Variants in PFDN4 observed in about 807,000 individuals in gnomAD.
PFDN4 encodes prefoldin subunit 4.
Under a neutral mutation model 17.6 loss-of-function variants are expected in PFDN4, and 6 were observed. That is an observed-to-expected ratio of 0.34 (90% CI 0.19 to 0.67). The LOEUF is 0.67. Ranked by LOEUF, PFDN4 falls within the 30% of genes least tolerant of loss-of-function variation. PFDN4 has a pLI of 0.68. For missense variants in PFDN4, 119 were observed against 158.4 expected, an observed-to-expected ratio of 0.75 and a Z score of 1.33; for synonymous variants, 48 against 51.1, an observed-to-expected ratio of 0.94 and a Z score of 0.26.
At chr20:54,214,259 A>G (rs546383721) in intron 1 of PFDN4, 92 bp from the exon 2 acceptor site, 3 of 692,788 alleles carry the variant, frequency 4.3e-6, no homozygotes, top group East Asian at 2.8e-5. Context: ...ATATGAGTGC[A>G]AATGGCTTAT....
intron 2 of PFDN4, among the ~76,000 whole-genome samples, chr20:54,215,051 T>A (rs939394460): frequency 6.6e-6 from 1 of 152,184 alleles, no homozygotes. Flanking sequence ...TAGAAGAAAT[T>A]TTGAGTGACC....
intron 1 of PFDN4, among the ~76,000 whole-genome samples, chr20:54,214,126 T>A (rs1476784078): frequency 1.3e-5 from 2 of 152,214 alleles, no homozygotes. Context: ...TGCAATATGT[T>A]TATAGCTTAG....
Position 54,219,587 on chromosome 20 carries a change from C to T in PFDN4, c.*437C>T. On this transcript the variant is annotated 3_prime_UTR_variant, in exon 4 of 4. Coordinates refer to ENST00000371419, the MANE Select transcript of PFDN4 (RefSeq NM_002623.4). ...GCTTATTTCACAACTAAAGCTTTGTCATAGACTTCAAAATATATATGTATA... is the reference window on the plus strand; with the variant it reads ...GCTTATTTCACAACTAAAGCTTTGTTATAGACTTCAAAATATATATGTATA... 5.1e-6 allele frequency: 2 copies of T among 393,292 alleles called. No homozygotes were observed. The highest frequency in any genetic ancestry group is 8.9e-6 in the Non-Finnish European group (2 of 223,624). The allele number at this position is 393,292 out of a possible 1,614,324, so 24.4% of individuals were successfully genotyped here.
rs1247632697 is a variant in PFDN4 at position 54,219,651 on chromosome 20, A to G, written c.*501A>G. ...TATATGTTACATATTATATTTAAACATACATATTTAACATTTTTTACATAT... is the reference window on the plus strand; with the variant it reads ...TATATGTTACATATTATATTTAAACGTACATATTTAACATTTTTTACATAT... On this transcript the variant is annotated 3_prime_UTR_variant, in exon 4 of 4. Transcript: ENST00000371419. 1 of 397,242 alleles carries G rather than the reference A, an allele frequency of 2.5e-6. No homozygotes were observed. Among genetic ancestry groups the G allele is most frequent in the African/African-American group, 2.1e-5 (1 of 48,542 alleles). The allele number at this position is 397,242 out of a possible 1,614,324, so 24.6% of individuals were successfully genotyped here. A position where few individuals can be genotyped will look rare whatever the true frequency, so the allele number is the denominator to read the frequency against.
intron 3 of PFDN4, among the ~76,000 whole-genome samples, chr20:54,218,697 A>G (rs932549030): frequency 6.6e-6 from 1 of 152,252 alleles, no homozygotes; most frequent in African/African-American, 2.4e-5. Flanking sequence ...GTTAGAAGCC[A>G]GCAGGCCCAG....
At chr20:54,218,890 G>A in intron 3 of PFDN4, 129 bp from the exon 4 acceptor site, 1 of 580,202 alleles carries the variant, frequency 1.7e-6, no homozygotes. Context: ...CTAATTATCA[G>A]TGTTACTTAG....
chr20:54,210,047 A>C (rs987403916), intron 1 of PFDN4, among the ~76,000 whole-genome samples: 1 of 152,202 alleles, frequency 6.6e-6, no homozygotes, highest in Non-Finnish European at 1.5e-5. Flanking sequence ...GGAAAGTGCC[A>C]TTTAAGTTGA....
At chr20:54,216,660 A>G (rs994054106) in intron 3 of PFDN4, among the ~76,000 whole-genome samples, 2 of 151,518 alleles carry the variant, frequency 1.3e-5, no homozygotes, top group African/African-American at 4.8e-5. Context: ...TTATTTATTT[A>G]TTTATTTATT....
At position 54,219,116 on chromosome 20, in the gene PFDN4, G is replaced by A. The variant is rs2092766476; in HGVS notation, c.371G>A (p.Gly124Glu). The stretch of plus-strand genomic sequence containing the variant: ...AAAGTTCAGTTGTATGCAAAATTCG[G>A]GAGCAACATAAACCTTGAAGCTGAT... ...DLKVQLYAKF[G>E]SNINLEADES is the part of the protein sequence containing the mutation. The change falls in exon 4 of 4, where the codon GGG becomes GAG. Residue 124 changes from glycine (G) to glutamate (E), a missense_variant. Gly to Glu is a moderately conservative substitution (Grantham distance 98, BLOSUM62 -2). This residue lies in a region of PFDN4 where 81 missense variants were observed against 111.7 expected (regional missense o/e 0.73). Transcript: ENST00000371419. The A allele has an allele frequency of 6.3e-7, 1 of 1,586,220 alleles. No individual in the cohort carries two copies. Among genetic ancestry groups the A allele is most frequent in the Non-Finnish European group, 8.6e-7 (1 of 1,163,014 alleles).
chr20:54,213,482 CCT>C (rs1475851470), intron 1 of PFDN4, among the ~76,000 whole-genome samples: 1 of 152,116 alleles, frequency 6.6e-6, no homozygotes, highest in Non-Finnish European at 1.5e-5. Context: ...ACCTGTCTGA[CCT>C]CTGAAGCCAG....
chr20:54,215,180 G>A, intron 2 of PFDN4, 120 bp from the exon 3 acceptor site: 1 of 645,470 alleles, frequency 1.5e-6, no homozygotes, highest in South Asian at 2.5e-5. Context: ...TTATTCTAAT[G>A]TGGTAATAAT....
chr20:54,214,520 T>C, intron 2 of PFDN4, 62 bp downstream of exon 2: 1 of 710,960 alleles, frequency 1.4e-6, no homozygotes, highest in Non-Finnish European at 2.4e-6. Flanking sequence ...AAAACTGAAC[T>C]CAGTTAACAA....
Position 54,219,087 on chromosome 20 carries a change from T to G in PFDN4, c.342T>G (p.Asp114Glu). The G allele has an allele frequency of 6.3e-7, 1 of 1,595,632 alleles. No homozygotes were observed. Among genetic ancestry groups the G allele is most frequent in the Non-Finnish European group, 8.6e-7 (1 of 1,168,596 alleles). The change falls in exon 4 of 4, where the codon GAT becomes GAG. Residue 114 changes from aspartate to glutamate, a missense_variant. Physicochemically the swap from Asp to Glu is conservative, Grantham distance 45. Transcript: ENST00000371419. ...RVESIQRVLA[D>E]LKVQLYAKFG... ...AATCAATTCAGCGAGTGTTAGCAGA[T>G]TTGAAAGTTCAGTTGTATGCAAAAT...
chr20:54,209,164 A>G (rs2092752424), intron 1 of PFDN4, among the ~76,000 whole-genome samples: 1 of 152,140 alleles, frequency 6.6e-6, no homozygotes. Flanking sequence ...TACTGTTTTT[A>G]TCCTTATTTA....
chr20:54,210,326 G>A (rs2092754099), intron 1 of PFDN4, among the ~76,000 whole-genome samples: 1 of 152,164 alleles, frequency 6.6e-6, no homozygotes, highest in Admixed American at 6.5e-5. Flanking sequence ...TCCAGTGTTA[G>A]GAACAATTCC....
Position 54,208,118 on chromosome 20 carries a change from G to C in PFDN4, c.18G>C (p.Lys6Asn). Residue 6 changes from lysine (K) to asparagine (N), a missense_variant, in exon 1 of 4, where the codon AAG becomes AAC. By Grantham distance (94) the Lys-to-Asn change is moderately conservative. Coordinates refer to ENST00000371419, the MANE Select transcript of PFDN4 (RefSeq NM_002623.4). ...GTCCCAAGATGGCGGCCACCATGAA[G>C]AAGGCGGTGAGTGGGGAGCTCGGGG... Reference protein sequence around the residue: MAATMKKAAAEDVNVT... With the variant: MAATMNKAAAEDVNVT... 1 of 1,557,900 alleles carries C rather than the reference G, an allele frequency of 6.4e-7. No homozygotes were observed. The highest frequency in any genetic ancestry group is 8.7e-7 in the Non-Finnish European group (1 of 1,151,000).
At position 54,219,867 on chromosome 20, in the gene PFDN4, G is replaced by A; in HGVS notation, c.*717G>A. The A allele has an allele frequency of 2.5e-6, 1 of 395,690 alleles. No individual in the cohort carries two copies. The highest frequency in any genetic ancestry group is 4.5e-6 in the Non-Finnish European group (1 of 224,574). 24.5% of individuals were successfully genotyped at this position (395,690 alleles called of 1,614,324 possible). ...TTTTAGTGCTTTGTAATTAATTGGG[G>A]TTTATATTGATAAAGATGTGGAAGT... On this transcript the variant is annotated 3_prime_UTR_variant, in exon 4 of 4. Transcript: ENST00000371419.
Position 54,214,451 on chromosome 20 carries a change from T to A in PFDN4, c.125T>A (p.Val42Glu). ...ACAGAGCTGAAGGAAGAAATAGAAG[T>A]AAAAAAGGTATTGAAAATAATTATT... ...RITELKEEIE[V>E]KKKQLQNLED... is the part of the protein sequence containing the mutation. Residue 42 changes from valine (V) to glutamate (E), a missense_variant, in exon 2 of 4, where the codon GTA becomes GAA. Coordinates refer to ENST00000371419, the MANE Select transcript of PFDN4 (RefSeq NM_002623.4). The A allele has an allele frequency of 6.9e-7, 1 of 1,454,486 alleles. No individual in the cohort carries two copies. The highest frequency in any genetic ancestry group is 9.5e-7 in the Non-Finnish European group (1 of 1,055,216). The allele number at this position is 1,454,486 out of a possible 1,614,324, so 90.1% of individuals were successfully genotyped here. A position where few individuals can be genotyped will look rare whatever the true frequency, so the allele number is the denominator to read the frequency against.
intron 3 of PFDN4, among the ~76,000 whole-genome samples, chr20:54,218,348 A>T (rs919313642): frequency 2.0e-5 from 3 of 152,070 alleles, no homozygotes; most frequent in Non-Finnish European, 4.4e-5. Context: ...TTTTAATTAT[A>T]AATTGACAAT....
Sources: allele counts gnomAD v4.1 joint callset (sites outside exome capture counted in the v4.1 genomes callset), GRCh38; gene constraint gnomAD v4.1.1; regional missense constraint gnomAD v4.1.1; transcripts MANE v1.5; gene names NCBI Gene and HGNC (gene_info 2026-07-23, HGNC 2026-07-21).